CLSTN1: variants seen among roughly 807,000 people sequenced by gnomAD.
CLSTN1 encodes calsyntenin 1.
CLSTN1 carries 28 observed loss-of-function variants against 108.3 expected under a neutral mutation model. That is an observed-to-expected ratio of 0.26 (90% CI 0.19 to 0.35). CLSTN1 has a LOEUF of 0.35. CLSTN1 is among the 10% of genes least tolerant of loss of function. The pLI is 1.00. For missense variants in CLSTN1, 1,157 were observed against 1,302.6 expected (o/e 0.89, Z 1.72); for synonymous variants, 524 against 534.9 (o/e 0.98, Z 0.28).
chr1:9,744,090 C>T, intron 8 of CLSTN1, 85 bp from the exon 9 acceptor site: 2 of 1,546,602 alleles, frequency 1.3e-6, no homozygotes, highest in Non-Finnish European at 1.8e-6. Context: ...ATTTTGAAGA[C>T]ACAATTTCAT....
chr1:9,765,527 C>A (rs1372105276), intron 2 of CLSTN1, among the ~76,000 whole-genome samples: 1 of 150,904 alleles, frequency 6.6e-6, no homozygotes, highest in Non-Finnish European at 1.5e-5. Context: ...ACTAAAAATA[C>A]AAAAATTAGC....
chr1:9,771,065 G>A lies in CLSTN1; in HGVS notation c.214+2207C>T, dbSNP rs150888624. ...ACAACATAGTAAGATCACACTGCACGAACAACAGGACTGCTGATACTTCAA... is the reference window on the plus strand; with the variant it reads ...ACAACATAGTAAGATCACACTGCACAAACAACAGGACTGCTGATACTTCAA... On this transcript the variant is annotated intron_variant, in intron 2 of 18. Transcript: ENST00000377298. Among the ~76,000 whole-genome samples the A allele has an allele frequency of 1.2e-3, 184 of 152,260 alleles. 2 individuals carry two copies. In the Middle Eastern group the frequency reaches 0.027, roughly 23 times the overall value.
At chr1:9,765,310 G>A (rs1475940011) in intron 2 of CLSTN1, among the ~76,000 whole-genome samples, 1 of 152,040 alleles carries the variant, frequency 6.6e-6, no homozygotes, top group Non-Finnish European at 1.5e-5. Context: ...CTTGAACCCA[G>A]GAGGCGGAGG....
chr1:9,774,291 C>A lies in CLSTN1; in HGVS notation c.92-897G>T, dbSNP rs1167211267. ...AGTGTTTAAGAATAATCCATCCGGG[C>A]GTGGTGGCTCACGCCTATAATCCCA... On this transcript the variant is annotated intron_variant, in intron 1 of 18. Coordinates refer to ENST00000377298, the MANE Select transcript of CLSTN1 (RefSeq NM_001009566.3). Among the ~76,000 whole-genome samples, 4 of 152,032 alleles carry A rather than the reference C, an allele frequency of 2.6e-5. No individual in the cohort carries two copies. In the South Asian group the frequency reaches 8.3e-4, roughly 32 times the overall value.
At chr1:9,751,739 C>CA in intron 4 of CLSTN1, 58 bp from the exon 5 acceptor site, 1 of 1,488,846 alleles carries the variant, frequency 6.7e-7, no homozygotes, top group Non-Finnish European at 9.3e-7. Context: ...GAGAGAGAGA[C>CA]AGAGAGTGTG....
chr1:9,821,708 TCA>T (rs1481638171), intron 1 of CLSTN1, among the ~76,000 whole-genome samples: 1 of 152,172 alleles, frequency 6.6e-6, no homozygotes, highest in Non-Finnish European at 1.5e-5. Flanking sequence ...CATATGAAAT[TCA>T]CTTGTAATAT....
intron 1 of CLSTN1, among the ~76,000 whole-genome samples, chr1:9,792,641 A>G (rs1430014474): frequency 6.6e-6 from 1 of 151,440 alleles, no homozygotes; most frequent in Non-Finnish European, 1.5e-5. Context: ...TGGCTACGGT[A>G]TCCCTGGAAA....
intron 1 of CLSTN1, among the ~76,000 whole-genome samples, chr1:9,785,367 A>T (rs1653439250): frequency 6.6e-6 from 1 of 152,084 alleles, no homozygotes; most frequent in Non-Finnish European, 1.5e-5. Context: ...ACACTGCCAA[A>T]GAATCTCTGT....
intron 1 of CLSTN1, among the ~76,000 whole-genome samples, chr1:9,801,773 C>G (rs1345157864): frequency 1.3e-5 from 2 of 152,168 alleles, no homozygotes; most frequent in South Asian, 4.1e-4. Flanking sequence ...TCAGGCTGAT[C>G]TCGAACTCCG....
chr1:9,742,283 C>T lies in CLSTN1; in HGVS notation c.1357-1027G>A, dbSNP rs866969215. Among the ~76,000 whole-genome samples the T allele has an allele frequency of 5.9e-5, 9 of 151,968 alleles. No individual in the cohort carries two copies. The South Asian group carries it at 1.0e-3, about 18-fold the overall frequency. On this transcript the variant is annotated intron_variant, in intron 9 of 18. Coordinates refer to ENST00000377298, the MANE Select transcript of CLSTN1 (RefSeq NM_001009566.3). ...TATGAGATACATCATGACATACAGG[C>T]GGGCGTCTACAAGAATGAAATGCTC...
intron 2 of CLSTN1, among the ~76,000 whole-genome samples, chr1:9,759,915 A>C (rs918678858): frequency 6.6e-6 from 1 of 152,232 alleles, no homozygotes; most frequent in Non-Finnish European, 1.5e-5. Flanking sequence ...TAGGTTGCCC[A>C]GCTTTAATTT....
rs1651756324 is a variant in CLSTN1, at chr1:9,755,296, T to A, written c.258A>T (p.Gly86=). Reference sequence around the variant, plus strand: ...GGACATTCTGCCCGTGAATTTTAAATCCACAAATCTCACCTAGGGAGTCAA... The same window carrying A: ...GGACATTCTGCCCGTGAATTTTAAAACCACAAATCTCACCTAGGGAGTCAA... ...VTVTKEGEIC[G]FKIHGQNVPF... Residue 86 remains glycine, a synonymous_variant, in exon 4 of 19, where the codon GGA becomes GGT. Coordinates refer to ENST00000377298, the MANE Select transcript of CLSTN1 (RefSeq NM_001009566.3). 1.2e-6 allele frequency: 2 copies of A among 1,612,140 alleles called. No homozygotes were observed. Among genetic ancestry groups the A allele is most frequent in the Non-Finnish European group, 1.7e-6 (2 of 1,178,510 alleles).
chr1:9,773,653 GA>G (rs879766696), intron 1 of CLSTN1, among the ~76,000 whole-genome samples: 1 of 150,104 alleles, frequency 6.7e-6, no homozygotes, highest in Non-Finnish European at 1.5e-5. Flanking sequence ...GAAATCAAGG[GA>G]AAAAAAAAGA....
At chr1:9,798,677 T>G (rs917639239) in intron 1 of CLSTN1, among the ~76,000 whole-genome samples, 1 of 152,180 alleles carries the variant, frequency 6.6e-6, no homozygotes, top group African/African-American at 2.4e-5. Flanking sequence ...AGGTGGTAGT[T>G]GCACAATGCT....
At chr1:9,776,614 C>T (rs1237871869) in intron 1 of CLSTN1, among the ~76,000 whole-genome samples, 2 of 152,088 alleles carry the variant, frequency 1.3e-5, no homozygotes, top group African/African-American at 4.8e-5. Flanking sequence ...AACAAGCCTC[C>T]CTGTCCTTAT....
At chr1:9,769,951 A>C (rs538370964) in intron 2 of CLSTN1, among the ~76,000 whole-genome samples, 3 of 151,004 alleles carry the variant, frequency 2.0e-5, no homozygotes, top group African/African-American at 4.9e-5. Flanking sequence ...AATGGCGTGA[A>C]CCCGGGAGGC....
Position 9,730,635 on chromosome 1 carries a change from TCGC to T in CLSTN1, c.2816_2818del (p.Gly939del). 6.2e-7 allele frequency: 1 copy of T among 1,610,366 alleles called. No homozygotes were observed. The highest frequency in any genetic ancestry group is 8.5e-7 in the Non-Finnish European group (1 of 1,179,880). On this transcript the variant is annotated inframe_deletion, in exon 19 of 19. Transcript: ENST00000377298. This position sits in a 1 kb window ranked among gnomAD's most constrained non-coding sequence, Gnocchi z 5.6. ...GGCGCTGGTGATGTCATCCTCTTCT[TCGC>T]CGTCCTCGCTTTCCTCTTCCTCTTC...
intron 1 of CLSTN1, among the ~76,000 whole-genome samples, chr1:9,801,233 G>A (rs572450370): frequency 2.5e-4 from 38 of 152,216 alleles, no homozygotes; most frequent in Admixed American, 5.9e-4. Flanking sequence ...AAACAAGAGC[G>A]AAACTCCATC....
At chr1:9,800,870 C>T (rs567861843) in intron 1 of CLSTN1, among the ~76,000 whole-genome samples, 26 of 151,754 alleles carry the variant, frequency 1.7e-4, no homozygotes, top group Non-Finnish European at 3.5e-4. Context: ...ACCTGGGAGG[C>T]GGAGGCTGCA....
Sources: allele counts gnomAD v4.1 joint callset (sites outside exome capture counted in the v4.1 genomes callset), GRCh38; gene constraint gnomAD v4.1.1; non-coding constraint Gnocchi (gnomAD v3.1); transcripts MANE v1.5; gene names NCBI Gene and HGNC (gene_info 2026-07-23, HGNC 2026-07-21).